The following TBC1D1 variants were observed in gnomAD, a reference collection of about 807,000 sequenced individuals.
The protein encoded by TBC1D1 is TBC1 (tre-2/USP6, BUB2, cdc16) domain family, member 1.
In TBC1D1, 89 loss-of-function variants were observed where a neutral mutation model predicts 125.6. The ratio of observed to expected loss-of-function variants is 0.71; its 90% CI spans 0.60 to 0.85. The LOEUF (loss-of-function observed/expected upper bound fraction) is 0.85, where lower values mean the gene tolerates loss of function less well. Ranked by LOEUF, TBC1D1 falls within the 40% of genes least tolerant of loss-of-function variation. The pLI is 0.00. For synonymous variants in TBC1D1, 565 were observed against 564.1 expected (o/e 1.00, Z -0.02); for missense variants, 1,377 against 1,469.2 (o/e 0.94, Z 1.03).
At chr4:37,985,659 A>G (rs1013457806) in intron 2 of TBC1D1, among the ~76,000 whole-genome samples, 3 of 152,246 alleles carry the variant, frequency 2.0e-5, no homozygotes, top group African/African-American at 7.2e-5. Context: ...GACTATCTTC[A>G]GATGTAAACC....
chr4:38,044,417 G>A lies in TBC1D1; in HGVS notation c.1469G>A (p.Arg490Gln), dbSNP rs1295507592. Residue 490 changes from arginine (R) to glutamine (Q), a missense_variant, in exon 9 of 20, where the codon CGA (arginine) becomes CAA (glutamine). Physicochemically the swap from Arg to Gln is conservative, Grantham distance 43. Coordinates refer to ENST00000261439, the MANE Select transcript of TBC1D1 (RefSeq NM_015173.4). ...AGTGAATTACCACCCAGTGCCACTC[G>A]ATTTAGGCTAGATATGCTGAAAAAC... The A allele has an allele frequency of 2.5e-6, 4 of 1,613,582 alleles. No homozygotes were observed. The highest frequency in any genetic ancestry group is 1.3e-5 in the African/African-American group (1 of 75,040).
intron 12 of TBC1D1, among the ~76,000 whole-genome samples, chr4:38,066,584 CA>C (rs1753766116): frequency 6.6e-6 from 1 of 152,162 alleles, no homozygotes; most frequent in African/African-American, 2.4e-5. Context: ...CCTCTTGCTT[CA>C]GACTCCCAAC....
chr4:37,980,452 T>C (rs1734129118), intron 2 of TBC1D1, among the ~76,000 whole-genome samples: 1 of 152,238 alleles, frequency 6.6e-6, no homozygotes, highest in African/African-American at 2.4e-5. Context: ...GTTTTGAGTA[T>C]ATCTACTGTT....
intron 10 of TBC1D1, among the ~76,000 whole-genome samples, chr4:38,046,338 C>T (rs1749467270): frequency 6.6e-6 from 1 of 151,200 alleles, no homozygotes. Flanking sequence ...CGCCACTGCA[C>T]TCCAGCCTGT....
chr4:38,025,576 T>C (rs927585349), intron 6 of TBC1D1, among the ~76,000 whole-genome samples: 4 of 152,238 alleles, frequency 2.6e-5, no homozygotes, highest in Non-Finnish European at 4.4e-5. Context: ...CACCTGAGAT[T>C]GGCAGAGTGT....
chr4:38,097,441 A>G (rs71606103), intron 14 of TBC1D1, among the ~76,000 whole-genome samples: 29,530 of 146,296 alleles, frequency 0.2, 3,152 homozygotes, highest in East Asian at 0.48. Context: ...CCGGGTTCAC[A>G]CCATTCTCCT....
intron 12 of TBC1D1, among the ~76,000 whole-genome samples, chr4:38,077,012 C>T (rs1163723603): frequency 3.3e-5 from 5 of 152,266 alleles, no homozygotes; most frequent in East Asian, 1.9e-4. Context: ...ATTTAGGCTC[C>T]GTTTTTCAGA....
intron 17 of TBC1D1, among the ~76,000 whole-genome samples, chr4:38,120,371 G>A (rs975114067): frequency 6.6e-6 from 1 of 152,158 alleles, no homozygotes; most frequent in Non-Finnish European, 1.5e-5. Flanking sequence ...CTTAAAAACA[G>A]AAAAGATAGG....
At chr4:38,005,935 C>T (rs1279678783) in intron 2 of TBC1D1, among the ~76,000 whole-genome samples, 1 of 152,190 alleles carries the variant, frequency 6.6e-6, no homozygotes, top group African/African-American at 2.4e-5. Flanking sequence ...ACACATTAGA[C>T]CCATGTGTGA....
intron 1 of TBC1D1, among the ~76,000 whole-genome samples, chr4:37,896,919 T>C (rs986069475): frequency 3.9e-5 from 6 of 152,106 alleles, no homozygotes; most frequent in African/African-American, 1.4e-4. Flanking sequence ...AAGGACATCT[T>C]TGTGTCTTGG....
At chr4:38,081,272 G>A (rs531747136) in intron 12 of TBC1D1, among the ~76,000 whole-genome samples, 22 of 152,128 alleles carry the variant, frequency 1.4e-4, no homozygotes, top group African/African-American at 3.4e-4. Flanking sequence ...CAGAGGAGGC[G>A]TCTGGGGTCC....
At position 38,015,010 on chromosome 4, in the gene TBC1D1, G is replaced by A. The variant is rs1436275926; in HGVS notation, c.882+37G>A. The A allele has an allele frequency of 2.7e-6, 4 of 1,487,944 alleles. No individual in the cohort carries two copies. The South Asian group carries it at 5.5e-5, about 20-fold the overall frequency. The allele number at this position is 1,487,944 out of a possible 1,614,324, so 92.2% of individuals were successfully genotyped here. On this transcript the variant is annotated intron_variant, in intron 3 of 19. Transcript: ENST00000261439. Reference sequence around the variant, plus strand: ...CCCAGCTCGTGCACAGCCCCAGTCTGCCATACGCTTTCAAGAGAAAATCTG... The same window carrying A: ...CCCAGCTCGTGCACAGCCCCAGTCTACCATACGCTTTCAAGAGAAAATCTG...
intron 1 of TBC1D1, among the ~76,000 whole-genome samples, chr4:37,899,305 G>A (rs916667317): frequency 1.3e-5 from 2 of 152,114 alleles, no homozygotes; most frequent in African/African-American, 4.8e-5. Flanking sequence ...ATGAGACCGA[G>A]TTAGCTTTAA....
chr4:37,988,466 A>G (rs1022921792), intron 2 of TBC1D1, among the ~76,000 whole-genome samples: 1 of 152,188 alleles, frequency 6.6e-6, no homozygotes, highest in African/African-American at 2.4e-5. Context: ...TTCATCCATT[A>G]AAGGGGGGAT....
chr4:37,996,151 A>G, intron 2 of TBC1D1: 1 of 436,794 alleles, frequency 2.3e-6, no homozygotes, highest in Non-Finnish European at 4.6e-6. Flanking sequence ...TTGCCTGAAG[A>G]CATGTACCTG....
intron 18 of TBC1D1, among the ~76,000 whole-genome samples, chr4:38,126,005 C>T (rs974559985): frequency 3.3e-5 from 5 of 152,162 alleles, no homozygotes; most frequent in Admixed American, 6.5e-5. Context: ...AATAGCAATA[C>T]GTTTTGAGAA....
chr4:37,953,803 C>T (rs1414963523), intron 2 of TBC1D1, among the ~76,000 whole-genome samples: 1 of 152,102 alleles, frequency 6.6e-6, no homozygotes, highest in Non-Finnish European at 1.5e-5. Flanking sequence ...TGGCCAGGGA[C>T]AGCAGAAAAT....
At chr4:38,126,190 T>C (rs1320398797) in intron 18 of TBC1D1, among the ~76,000 whole-genome samples, 1 of 152,210 alleles carries the variant, frequency 6.6e-6, no homozygotes, top group East Asian at 1.9e-4. Flanking sequence ...TATTTGTGTA[T>C]CTAAACATAA....
chr4:38,127,862 G>T (rs76257324), intron 18 of TBC1D1, among the ~76,000 whole-genome samples: 1 of 152,002 alleles, frequency 6.6e-6, no homozygotes, highest in South Asian at 2.1e-4. Context: ...ACCTAAGATC[G>T]GCTGGCAGAC....
Sources: allele counts gnomAD v4.1 joint callset (sites outside exome capture counted in the v4.1 genomes callset), GRCh38; gene constraint gnomAD v4.1.1; transcripts MANE v1.5; gene names NCBI Gene and HGNC (gene_info 2026-07-23, HGNC 2026-07-21).